TAF1B: variants seen among roughly 807,000 people sequenced by gnomAD.
The protein encoded by TAF1B is TATA box-binding protein-associated factor RNA polymerase I subunit B.
In TAF1B, 61 loss-of-function variants were observed where a neutral mutation model predicts 83.9. The observed-to-expected ratio is 0.73, with a 90% CI of 0.59 to 0.90. The LOEUF is 0.90. Ranked by LOEUF, TAF1B falls within the 40% of genes least tolerant of loss-of-function variation. TAF1B has a pLI of 0.00. For synonymous variants in TAF1B, 221 were observed against 224.6 expected (o/e 0.98, Z 0.14); for missense variants, 625 against 677.0 (o/e 0.92, Z 0.85).
At chr2:9,875,834 G>T in intron 6 of TAF1B, 31 bp from the exon 7 acceptor site, 1 of 1,545,484 alleles carries the variant, frequency 6.5e-7, no homozygotes. Context: ...TAGTTCACTG[G>T]ATTTTTAAAA....
chr2:9,880,247 A>G (rs1486159191), intron 7 of TAF1B, among the ~76,000 whole-genome samples: 1 of 152,118 alleles, frequency 6.6e-6, no homozygotes. Context: ...GGAAAATTAC[A>G]TAATTATAAG....
At chr2:9,891,674 A>G (rs1317510378) in intron 8 of TAF1B, among the ~76,000 whole-genome samples, 2 of 152,170 alleles carry the variant, frequency 1.3e-5, no homozygotes, top group Non-Finnish European at 2.9e-5. Flanking sequence ...CATGCATGTT[A>G]TTGCCCCTAA....
At chr2:9,853,866 C>T (rs956917567) in intron 4 of TAF1B, among the ~76,000 whole-genome samples, 2 of 152,250 alleles carry the variant, frequency 1.3e-5, no homozygotes, top group Non-Finnish European at 2.9e-5. Context: ...TTGCTTTGTA[C>T]TCTGATCCTT....
Position 9,921,210 on chromosome 2 carries a change from G to A in TAF1B, c.1565+1390G>A, listed in dbSNP as rs192710240. Among the ~76,000 whole-genome samples the A allele has an allele frequency of 3.9e-3, 596 of 152,214 alleles. 3 individuals carry two copies. The highest frequency in any genetic ancestry group is 0.013 in the African/African-American group (555 of 41,534). ...AGGCTCAAGCAATCCTCCCACCTCA[G>A]CCTTCCAAGTAGCTGGAACTACACG... On this transcript the variant is annotated intron_variant, in intron 14 of 14. Transcript: ENST00000263663.
At position 9,854,367 on chromosome 2, in the gene TAF1B, G is replaced by T; in HGVS notation, c.345G>T (p.Lys115Asn). ...ATTTTTGGAAGCGCTACCTTCAGAA[G>T]AGCAAGCAGGCATATTGTAAGAACC... ...LHNFWKRYLQ[K>N]SKQAYCKNPV... The change falls in exon 5 of 15, where the codon AAG (lysine) becomes AAT (asparagine). Residue 115 changes from lysine to asparagine, a missense_variant. Physicochemically the swap from Lys to Asn is moderately conservative, Grantham distance 94. Transcript: ENST00000263663. 1 of 1,614,110 alleles carries T rather than the reference G, an allele frequency of 6.2e-7. No homozygotes were observed. The highest frequency in any genetic ancestry group is 1.1e-5 in the South Asian group (1 of 91,072).
chr2:9,868,442 A>G lies in TAF1B; in HGVS notation c.553+13A>G. ...GCATCACAATCAGGTAAAAATGAGA[A>G]CCAAACCATTTCGAATTTTAAAGCT... On this transcript the variant is annotated intron_variant, in intron 6 of 14. Coordinates refer to ENST00000263663, the MANE Select transcript of TAF1B (RefSeq NM_005680.3). The G allele has an allele frequency of 6.3e-7, 1 of 1,598,890 alleles. No individual in the cohort carries two copies. The highest frequency in any genetic ancestry group is 8.5e-7 in the Non-Finnish European group (1 of 1,172,756).
intron 14 of TAF1B, among the ~76,000 whole-genome samples, chr2:9,928,024 T>C (rs1485483490): frequency 6.6e-6 from 1 of 152,180 alleles, no homozygotes; most frequent in Non-Finnish European, 1.5e-5. Context: ...TTAATCCATC[T>C]TGAATTAATT....
chr2:9,909,320 C>T (rs1665449046), intron 9 of TAF1B, among the ~76,000 whole-genome samples: 1 of 152,200 alleles, frequency 6.6e-6, no homozygotes, highest in Admixed American at 6.5e-5. Flanking sequence ...CTTTAGCACT[C>T]AGAAGAGGGC....
chr2:9,882,912 C>T (rs1442267741), intron 8 of TAF1B, 107 bp downstream of exon 8: 2 of 691,698 alleles, frequency 2.9e-6, no homozygotes, highest in Non-Finnish European at 4.7e-6. Context: ...TGTTTTATCC[C>T]AATATGGAAC....
At chr2:9,843,639 C>T (rs1663095287) in intron 1 of TAF1B, 80 bp downstream of exon 1, 3 of 1,392,802 alleles carry the variant, frequency 2.2e-6, no homozygotes, top group Admixed American at 3.0e-5. Flanking sequence ...GCGGAGGACG[C>T]CGCGGGTTGG....
chr2:9,885,849 A>G (rs1161065686), intron 8 of TAF1B, among the ~76,000 whole-genome samples: 1 of 150,384 alleles, frequency 6.6e-6, no homozygotes, highest in Non-Finnish European at 1.5e-5. Flanking sequence ...TTATTTGTAT[A>G]TTTTCCTAGT....
At chr2:9,933,127 T>C (rs1321409521) in intron 14 of TAF1B, among the ~76,000 whole-genome samples, 5 of 152,182 alleles carry the variant, frequency 3.3e-5, no homozygotes, top group African/African-American at 1.2e-4. Flanking sequence ...GGTGAGGTGA[T>C]GCCCCGCCCT....
intron 14 of TAF1B, among the ~76,000 whole-genome samples, chr2:9,930,257 A>C (rs535336198): frequency 4.0e-5 from 6 of 151,830 alleles, no homozygotes; most frequent in African/African-American, 1.4e-4. Context: ...TAGTTCTTTT[A>C]ATTGTGATGT....
At chr2:9,908,828 C>T (rs1463548969) in intron 9 of TAF1B, among the ~76,000 whole-genome samples, 1 of 152,214 alleles carries the variant, frequency 6.6e-6, no homozygotes, top group African/African-American at 2.4e-5. Context: ...GGACTGTTTG[C>T]ATTTCCTGAA....
intron 5 of TAF1B, among the ~76,000 whole-genome samples, chr2:9,863,386 A>G (rs1663846676): frequency 6.6e-6 from 1 of 152,260 alleles, no homozygotes; most frequent in Non-Finnish European, 1.5e-5. Context: ...CAATGCAACA[A>G]GAAGAGCTAA....
chr2:9,920,709 T>C (rs1445782858), intron 14 of TAF1B, among the ~76,000 whole-genome samples: 1 of 152,196 alleles, frequency 6.6e-6, no homozygotes, highest in African/African-American at 2.4e-5. Context: ...AGGGAGATAC[T>C]TGGTCAGTGA....
At chr2:9,924,224 G>A (rs905364751) in intron 14 of TAF1B, among the ~76,000 whole-genome samples, 2 of 152,134 alleles carry the variant, frequency 1.3e-5, no homozygotes, top group African/African-American at 4.8e-5. Flanking sequence ...CTTCAGCTGG[G>A]CAGTAAAAAT....
chr2:9,898,692 A>G (rs1365093635), intron 8 of TAF1B, among the ~76,000 whole-genome samples: 1 of 152,184 alleles, frequency 6.6e-6, no homozygotes. Context: ...ATGTAGACAC[A>G]TATCTTGGTG....
intron 9 of TAF1B, among the ~76,000 whole-genome samples, chr2:9,909,941 A>G (rs1001440159): frequency 3.3e-5 from 5 of 152,234 alleles, no homozygotes; most frequent in Non-Finnish European, 1.5e-5. Context: ...TGGAATTAAC[A>G]GGACATGGTG....
Sources: gnomAD v4.1 joint callset for allele counts (sites outside exome capture counted in the v4.1 genomes callset) on GRCh38, gnomAD v4.1.1 for gene constraint, MANE v1.5 for transcripts, NCBI Gene and HGNC (gene_info 2026-07-23, HGNC 2026-07-21) for gene names.